RBFOX1: variants seen among roughly 807,000 people sequenced by gnomAD.
The protein encoded by RBFOX1 is RNA binding fox-1 homolog 1, also known as RNA binding protein fox-1 homolog 1.
Under a neutral mutation model 57.7 loss-of-function variants are expected in RBFOX1, and 8 were observed. The observed-to-expected ratio is 0.14, with a 90% confidence interval of 0.08 to 0.25. The LOEUF is 0.25. RBFOX1 is among the 10% of genes least tolerant of loss of function. RBFOX1 has a pLI of 1.00. For synonymous variants in RBFOX1, 326 were observed against 222.4 expected (o/e 1.47, Z -4.15); for missense variants, 611 against 548.5 (o/e 1.11, Z -1.14).
intron 3 of RBFOX1, among the ~76,000 whole-genome samples, chr16:6,838,481 C>A (rs1177330875): frequency 6.6e-6 from 1 of 152,146 alleles, no homozygotes; most frequent in Non-Finnish European, 1.5e-5. Flanking sequence ...GAATAACCTG[C>A]CCCTTAATTT....
At chr16:7,050,154 C>CTTTT (rs58027559) in intron 3 of RBFOX1, among the ~76,000 whole-genome samples, 10 of 138,330 alleles carry the variant, frequency 7.2e-5, no homozygotes, top group African/African-American at 2.5e-4. Context: ...TCAATGTGGG[C>CTTTT]TTTTTTTTTT....
At chr16:5,366,173 C>T (rs1187025929) in intron 1 of RBFOX1, 16 of 420,922 alleles carry the variant, frequency 3.8e-5, no homozygotes, top group African/African-American at 1.0e-4. Flanking sequence ...AGTCAGAAGA[C>T]GAAGACAAAG....
At chr16:5,684,972 A>T (rs1019872032) in intron 3 of RBFOX1, among the ~76,000 whole-genome samples, 40 of 152,168 alleles carry the variant, frequency 2.6e-4, no homozygotes, top group African/African-American at 2.4e-5. Context: ...TAAAGTCACT[A>T]ATGAAGTTGG....
intron 4 of RBFOX1, among the ~76,000 whole-genome samples, chr16:7,462,255 T>C (rs1178694378): frequency 6.6e-6 from 1 of 152,184 alleles, no homozygotes; most frequent in Non-Finnish European, 1.5e-5. Flanking sequence ...TCACCACAAA[T>C]TTAACAGAGT....
chr16:6,269,331 C>G (rs1461883185), intron 1 of RBFOX1, among the ~76,000 whole-genome samples: 1 of 152,052 alleles, frequency 6.6e-6, no homozygotes, highest in East Asian at 1.9e-4. Context: ...TTGGTAGCAT[C>G]TGTGGATATA....
Position 5,821,951 on chromosome 16 carries a change from G to T in RBFOX1, c.319-45352G>T, listed in dbSNP as rs148206086. ...CACTTACTAATAATGTTGCATTGAG[G>T]ATTAAGTTCCAACATAATTTTTGGA... is the stretch of plus-strand genomic sequence containing the variant. On this transcript the variant is annotated intron_variant, in intron 3 of 19. Transcript: ENST00000641259. 5.0e-3 allele frequency among the ~76,000 whole-genome samples: 759 copies of T among 152,300 alleles called. 2 individuals are homozygous for T. The highest frequency in any genetic ancestry group is 0.017 in the African/African-American group (689 of 41,564).
intron 1 of RBFOX1, among the ~76,000 whole-genome samples, chr16:6,201,824 A>G (rs554427005): frequency 6.6e-6 from 1 of 152,338 alleles, no homozygotes; most frequent in Non-Finnish European, 1.5e-5. Context: ...ATAATTAAAA[A>G]TAAAGAAAAT....
chr16:6,309,992 A>T (rs1391390797), intron 1 of RBFOX1, among the ~76,000 whole-genome samples: 1 of 152,116 alleles, frequency 6.6e-6, no homozygotes, highest in African/African-American at 2.4e-5. Context: ...TGTTCAAGTG[A>T]TTCTCCTGCC....
At chr16:7,064,582 A>G (rs569231233) in intron 4 of RBFOX1, among the ~76,000 whole-genome samples, 1 of 152,224 alleles carries the variant, frequency 6.6e-6, no homozygotes, top group African/African-American at 2.4e-5. Context: ...ATCTGAGAAG[A>G]AACCAACCCC....
rs553590546 is a variant in RBFOX1, at chr16:5,892,487, G to C, written c.351+25152G>C. Among the ~76,000 whole-genome samples, 11 of 152,276 alleles carry C rather than the reference G, an allele frequency of 7.2e-5. No individual in the cohort carries two copies. The East Asian group carries it at 1.9e-3, about 27-fold the overall frequency. On this transcript the variant is annotated intron_variant, in intron 4 of 19. Coordinates refer to the RBFOX1 transcript ENST00000641259. The stretch of plus-strand genomic sequence containing the variant: ...TTAAGTGAGTTACTGCTTATAAAGT[G>C]CTTGGCTTGTAGTAAGAGTGGTGAT...
At chr16:5,291,299 G>C (rs2063528979) in intron 1 of RBFOX1, among the ~76,000 whole-genome samples, 2 of 121,780 alleles carry the variant, frequency 1.6e-5, no homozygotes, top group East Asian at 2.4e-4. Flanking sequence ...GTCTCACTCT[G>C]TCACCCAGGC....
intron 5 of RBFOX1, among the ~76,000 whole-genome samples, chr16:7,554,118 G>A (rs1601679013): frequency 6.6e-6 from 1 of 152,224 alleles, no homozygotes; most frequent in East Asian, 1.9e-4. Context: ...CAAAAAAGAA[G>A]ACAATGACCC....
intron 4 of RBFOX1, among the ~76,000 whole-genome samples, chr16:7,420,910 T>TAC (rs2098535282): frequency 7.4e-6 from 1 of 135,120 alleles, no homozygotes; most frequent in African/African-American, 2.8e-5. Flanking sequence ...CACATATATA[T>TAC]ACATATATAT....
At chr16:7,614,813 A>G (rs1003352779) in intron 10 of RBFOX1, 9 of 152,232 alleles carry the variant, frequency 5.9e-5, no homozygotes, top group South Asian at 4.1e-4. Flanking sequence ...TGAAAATGCT[A>G]TCCCATTATT....
intron 1 of RBFOX1, among the ~76,000 whole-genome samples, chr16:6,150,864 A>T (rs190299775): frequency 1.3e-5 from 2 of 152,298 alleles, no homozygotes; most frequent in Admixed American, 1.3e-4. Context: ...GCAGCATGTC[A>T]GGTTGTCTTG....
chr16:7,704,375 G>T (rs2081745897), intron 14 of RBFOX1, among the ~76,000 whole-genome samples: 1 of 152,188 alleles, frequency 6.6e-6, no homozygotes, highest in South Asian at 2.1e-4. Context: ...CAAACTCACA[G>T]AAATGATGTA....
chr16:7,421,177 G>T (rs573621060), intron 4 of RBFOX1, among the ~76,000 whole-genome samples: 2 of 152,266 alleles, frequency 1.3e-5, no homozygotes, highest in East Asian at 3.9e-4. Flanking sequence ...AATAGAAATT[G>T]TAGAGCACAG....
intron 2 of RBFOX1, among the ~76,000 whole-genome samples, chr16:6,652,404 C>CA (rs2098603846): frequency 6.6e-6 from 1 of 151,790 alleles, no homozygotes; most frequent in Non-Finnish European, 1.5e-5. Context: ...GCCAAGATCT[C>CA]GCCACTGCAC....
At chr16:6,256,393 G>T (rs1022859206) in intron 1 of RBFOX1, among the ~76,000 whole-genome samples, 6 of 149,562 alleles carry the variant, frequency 4.0e-5, no homozygotes, top group African/African-American at 1.5e-4. Context: ...GCAGAAGGAG[G>T]CAGGCATGCC....
Sources: gnomAD v4.1 joint callset for allele counts (sites outside exome capture counted in the v4.1 genomes callset) on GRCh38, gnomAD v4.1.1 for gene constraint, MANE v1.5 for transcripts, NCBI Gene and HGNC (gene_info 2026-07-23, HGNC 2026-07-21) for gene names.